Variants in DPP6 observed in about 807,000 individuals in gnomAD.
DPP6 encodes the protein A-type potassium channel modulatory protein DPP6.
A neutral mutation model predicts 122.6 loss-of-function variants in DPP6; 69 were observed. The observed-to-expected ratio is 0.56, with a 90% confidence interval of 0.46 to 0.69. DPP6 has a LOEUF of 0.69. DPP6 is among the 30% of genes least tolerant of loss of function. The pLI, the probability that DPP6 is intolerant of heterozygous loss-of-function variation, is 0.00. For missense variants in DPP6, 928 were observed against 1,116.9 expected, an observed-to-expected ratio of 0.83 and a Z score of 2.41; for synonymous variants, 418 against 433.1, an observed-to-expected ratio of 0.97 and a Z score of 0.43.
chr7:154,577,970 CATT>C (rs1247362540), intron 5 of DPP6, among the ~76,000 whole-genome samples: 14 of 152,206 alleles, frequency 9.2e-5, no homozygotes, highest in African/African-American at 2.7e-4. Context: ...ACAGATTAAT[CATT>C]GTTGTGTGTT....
intron 1 of DPP6, among the ~76,000 whole-genome samples, chr7:154,227,396 T>C (rs11768016): frequency 0.069 from 10,395 of 150,804 alleles, 720 homozygotes; most frequent in African/African-American, 0.17. Flanking sequence ...TGCCAGGGGG[T>C]TGGGAGAAGG....
At chr7:154,555,424 C>G (rs999330866) in intron 4 of DPP6, among the ~76,000 whole-genome samples, 21 of 151,902 alleles carry the variant, frequency 1.4e-4, no homozygotes, top group African/African-American at 5.1e-4. Context: ...AATGAGAACA[C>G]TTGGACACAG....
intron 6 of DPP6, among the ~76,000 whole-genome samples, chr7:154,653,031 G>A (rs762592835): frequency 6.6e-6 from 1 of 152,132 alleles, no homozygotes; most frequent in Non-Finnish European, 1.5e-5. Flanking sequence ...TGTCTCCCAG[G>A]CTGGGGTCTC....
chr7:154,573,953 T>C (rs1390786133), intron 5 of DPP6, among the ~76,000 whole-genome samples: 1 of 152,248 alleles, frequency 6.6e-6, no homozygotes, highest in Non-Finnish European at 1.5e-5. Context: ...CACTGGCTGC[T>C]GTTGGTTTCC....
At chr7:154,610,715 G>C (rs1438355000) in intron 5 of DPP6, among the ~76,000 whole-genome samples, 771 of 36,226 alleles carry the variant, frequency 0.021, 3 homozygotes, top group African/African-American at 0.063. Flanking sequence ...CTCTGTGTGT[G>C]TGTGTGTGTG....
At chr7:154,305,626 GAGAC>G (rs1160081156) in intron 1 of DPP6, 6 of 1,515,272 alleles carry the variant, frequency 4.0e-6, no homozygotes, top group East Asian at 5.0e-5. Flanking sequence ...GTGCATGAGA[GAGAC>G]AGAGACAGAG....
At chr7:153,911,335 G>T (rs1212012440) in intron 1 of DPP6, among the ~76,000 whole-genome samples, 1 of 152,112 alleles carries the variant, frequency 6.6e-6, no homozygotes. Flanking sequence ...TCAGTCACTC[G>T]CTGTCCACAC....
At position 154,060,255 on chromosome 7, in the gene DPP6, A is replaced by C. The variant is rs1314427559; in HGVS notation, c.243+7192A>C. On this transcript the variant is annotated intron_variant, in intron 1 of 25. Transcript: ENST00000377770. The stretch of plus-strand genomic sequence containing the variant: ...TTAGGATCCCCATCGCTGGGGGCGG[A>C]GGCACCCCCCGCGAGGCAGGGACTG... 2.4e-5 allele frequency among the ~76,000 whole-genome samples: 3 copies of C among 125,898 alleles called. 1 individual carries two copies. Among genetic ancestry groups the C allele is most frequent in the Non-Finnish European group, 5.1e-5 (3 of 58,716 alleles). The allele number at this position is 125,898 out of a possible 152,430, so 82.6% of individuals were successfully genotyped here. A position where few individuals can be genotyped will look rare whatever the true frequency, so the allele number is the denominator to read the frequency against.
chr7:154,439,147 G>A (rs6945263), intron 1 of DPP6, among the ~76,000 whole-genome samples: 1,948 of 152,294 alleles, frequency 0.013, 37 homozygotes, highest in African/African-American at 0.044. Context: ...TTTATTGAGT[G>A]CCTGCAGGGA....
intron 7 of DPP6, among the ~76,000 whole-genome samples, chr7:154,717,233 A>G (rs1043566165): frequency 6.6e-6 from 1 of 152,248 alleles, no homozygotes; most frequent in Non-Finnish European, 1.5e-5. Context: ...TGGTAAGAAC[A>G]CACAAAATCT....
At chr7:154,266,442 G>T (rs149202948) in intron 1 of DPP6, among the ~76,000 whole-genome samples, 3,860 of 152,218 alleles carry the variant, frequency 0.025, 160 homozygotes, top group African/African-American at 0.086. Context: ...AGCTGGGTGT[G>T]GTGGTGCACA....
At chr7:154,647,313 C>G (rs1442906573) in intron 6 of DPP6, among the ~76,000 whole-genome samples, 6 of 152,120 alleles carry the variant, frequency 3.9e-5, no homozygotes, top group African/African-American at 1.2e-4. Context: ...CAAGTGACAC[C>G]CAGGATTGCC....
rs1327383483 is a variant in DPP6, at chr7:153,900,336, G to T, written c.51+12602G>T. ...TCTTTGTAGCAATGCCCCATTCCTT[G>T]GTATGTGTTGCTATAAAGGCATACC... On this transcript the variant is annotated intron_variant, in intron 1 of 25. Transcript: ENST00000404039. 1.3e-5 allele frequency among the ~76,000 whole-genome samples: 2 copies of T among 150,836 alleles called. 1 individual carries two copies. Among genetic ancestry groups the T allele is most frequent in the East Asian group, 3.9e-4 (2 of 5,140 alleles).
chr7:154,382,058 C>T (rs1813660741), intron 1 of DPP6, among the ~76,000 whole-genome samples: 1 of 131,668 alleles, frequency 7.6e-6, no homozygotes, highest in Non-Finnish European at 1.5e-5. Flanking sequence ...TTTCAGAAAC[C>T]CCCCTTTTTT....
At chr7:154,750,148 G>C (rs1355135220) in intron 8 of DPP6, among the ~76,000 whole-genome samples, 1 of 152,194 alleles carries the variant, frequency 6.6e-6, no homozygotes, top group Non-Finnish European at 1.5e-5. Context: ...CTGGGTCATG[G>C]TCAAAAACAC....
intron 7 of DPP6, among the ~76,000 whole-genome samples, chr7:154,684,892 A>T (rs748311812): frequency 4.6e-5 from 7 of 152,260 alleles, no homozygotes; most frequent in Non-Finnish European, 1.0e-4. Flanking sequence ...GACAAGGTGC[A>T]GGATAGGCTT....
At chr7:154,299,923 C>T (rs1585865841) in intron 1 of DPP6, among the ~76,000 whole-genome samples, 1 of 152,150 alleles carries the variant, frequency 6.6e-6, no homozygotes, top group Non-Finnish European at 1.5e-5. Context: ...TACAAACAAA[C>T]CTAATTAGCT....
At chr7:154,011,123 A>G (rs1431243018) in intron 1 of DPP6, among the ~76,000 whole-genome samples, 3 of 152,132 alleles carry the variant, frequency 2.0e-5, no homozygotes, top group African/African-American at 7.2e-5. Flanking sequence ...CTGGGCCACA[A>G]ATAGCTCTCC....
intron 1 of DPP6, among the ~76,000 whole-genome samples, chr7:154,227,549 C>G (rs1470020169): frequency 6.6e-6 from 1 of 152,134 alleles, no homozygotes; most frequent in Non-Finnish European, 1.5e-5. Flanking sequence ...GATAGTAGAT[C>G]TCATGTTATC....
Sources: allele counts gnomAD v4.1 joint callset (sites outside exome capture counted in the v4.1 genomes callset), GRCh38; gene constraint gnomAD v4.1.1; transcripts MANE v1.5; gene names NCBI Gene and HGNC (gene_info 2026-07-23, HGNC 2026-07-21).